The following XKR4 variants were observed in gnomAD, a reference collection of about 807,000 sequenced individuals.
The protein encoded by XKR4 is XK related 4.
In XKR4, 12 loss-of-function variants were observed where a neutral mutation model predicts 53.9. That is an observed-to-expected ratio of 0.22 (90% CI 0.14 to 0.36). XKR4 has a LOEUF of 0.36. Ranked by LOEUF, XKR4 falls within the 10% of genes least tolerant of loss-of-function variation. The pLI is 1.00. For synonymous variants in XKR4, 354 were observed against 362.4 expected, an observed-to-expected ratio of 0.98 and a Z score of 0.26; for missense variants, 799 against 859.5, an observed-to-expected ratio of 0.93 and a Z score of 0.88.
At chr8:55,217,898 G>A (rs558458707) in intron 1 of XKR4, among the ~76,000 whole-genome samples, 136 of 152,212 alleles carry the variant, frequency 8.9e-4, no homozygotes, top group African/African-American at 3.0e-3. Flanking sequence ...GAAGAGCAAA[G>A]GTAAACATAT....
intron 1 of XKR4, among the ~76,000 whole-genome samples, chr8:55,316,035 A>G (rs980150711): frequency 1.4e-4 from 22 of 152,312 alleles, no homozygotes; most frequent in South Asian, 6.2e-4. Context: ...ACAATCACCT[A>G]CACCGTAAAA....
At chr8:55,388,451 A>AT (rs1161774501) in intron 2 of XKR4, among the ~76,000 whole-genome samples, 1 of 150,860 alleles carries the variant, frequency 6.6e-6, no homozygotes, top group East Asian at 1.9e-4. Context: ...GCAGAAATTT[A>AT]TTTTTCACAG....
At chr8:55,188,745 G>GT (rs1024057324) in intron 1 of XKR4, among the ~76,000 whole-genome samples, 6 of 152,152 alleles carry the variant, frequency 3.9e-5, no homozygotes, top group African/African-American at 1.2e-4. Context: ...AAGATGCTTA[G>GT]TAATTGTGTG....
chr8:55,451,719 C>T, intron 2 of XKR4: 1 of 1,272,778 alleles, frequency 7.9e-7, no homozygotes, highest in Non-Finnish European at 1.1e-6. Flanking sequence ...TGCGGTTGAC[C>T]AGAGAAATGC....
At chr8:55,113,453 A>T (rs1385027888) in intron 1 of XKR4, among the ~76,000 whole-genome samples, 1 of 152,208 alleles carries the variant, frequency 6.6e-6, no homozygotes, top group Non-Finnish European at 1.5e-5. Context: ...ATCACAGCTA[A>T]GCTTAAAGCA....
rs537116951 is a variant in XKR4 at position 55,461,460 on chromosome 8, A to G, written c.1007-61821A>G. On this transcript the variant is annotated intron_variant, in intron 2 of 2. Transcript: ENST00000327381. Reference sequence around the variant, plus strand: ...AACAAACAGAAAGGACATCCACACCAAAAACCCAACTGTACATCACTATCA... The same window carrying G: ...AACAAACAGAAAGGACATCCACACCGAAAACCCAACTGTACATCACTATCA... Among the ~76,000 whole-genome samples, 351 of 152,350 alleles carry G rather than the reference A, an allele frequency of 2.3e-3. 1 individual carries two copies. Among genetic ancestry groups the G allele is most frequent in the Non-Finnish European group, 3.8e-3 (259 of 68,036 alleles).
At chr8:55,299,399 T>A (rs1017160126) in intron 1 of XKR4, among the ~76,000 whole-genome samples, 1 of 152,122 alleles carries the variant, frequency 6.6e-6, no homozygotes, top group African/African-American at 2.4e-5. Context: ...AAGCCAACAG[T>A]GAGACCAGGC....
chr8:55,384,465 T>C (rs921219743), intron 2 of XKR4, among the ~76,000 whole-genome samples: 12 of 152,182 alleles, frequency 7.9e-5, no homozygotes, highest in African/African-American at 2.9e-4. Flanking sequence ...AATAGTAGCC[T>C]ACTAACTTAC....
At chr8:55,321,944 A>T (rs1803222548) in intron 1 of XKR4, among the ~76,000 whole-genome samples, 1 of 152,168 alleles carries the variant, frequency 6.6e-6, no homozygotes. Flanking sequence ...AGCCGAGATC[A>T]TGCCACTACA....
At chr8:55,121,085 G>A (rs1189181294) in intron 1 of XKR4, among the ~76,000 whole-genome samples, 1 of 152,164 alleles carries the variant, frequency 6.6e-6, no homozygotes, top group East Asian at 1.9e-4. Flanking sequence ...CTGTTGTCTG[G>A]ATGTACTACA....
Position 55,540,225 on chromosome 8 carries a change from A to C in XKR4, c.*15998A>C, listed in dbSNP as rs899532818. ...AACATCACATATGTGATGCTTTGTA[A>C]ATGTATTAATTGTGGTCAATTTTCA... On this transcript the variant is annotated 3_prime_UTR_variant, in exon 3 of 3. Coordinates refer to ENST00000327381, the MANE Select transcript of XKR4 (RefSeq NM_052898.2). The C allele has an allele frequency of 2.6e-5, 4 of 152,242 alleles. No homozygotes were observed. The highest frequency in any genetic ancestry group is 6.5e-5 in the Admixed American group (1 of 15,276). 9.4% of individuals were successfully genotyped at this position (152,242 alleles called of 1,614,324 possible). A position where few individuals can be genotyped will look rare whatever the true frequency, so the allele number is the denominator to read the frequency against.
intron 2 of XKR4, among the ~76,000 whole-genome samples, chr8:55,401,738 A>G (rs1205862370): frequency 6.6e-6 from 1 of 152,244 alleles, no homozygotes; most frequent in Non-Finnish European, 1.5e-5. Flanking sequence ...TTTTGTGATC[A>G]GGATCCTCTT....
intron 2 of XKR4, among the ~76,000 whole-genome samples, chr8:55,472,139 T>C (rs1399589501): frequency 6.6e-6 from 1 of 152,140 alleles, no homozygotes; most frequent in East Asian, 1.9e-4. Flanking sequence ...CTGTTCAGTG[T>C]CAGCCTGGAA....
chr8:55,190,468 C>T (rs555897946), intron 1 of XKR4, among the ~76,000 whole-genome samples: 65 of 152,250 alleles, frequency 4.3e-4, no homozygotes, highest in African/African-American at 1.4e-3. Context: ...AAAAAATTTC[C>T]CTCACTAGAC....
In XKR4 at chr8:55,527,539, T is replaced by G. The variant is rs963528544; in HGVS notation, c.*3312T>G. ...GTGTATCTTAACCATAGTGACACTT[T>G]AAGTGTTTGTGTGAAAGAAAAGGAA... On this transcript the variant is annotated 3_prime_UTR_variant, in exon 3 of 3. Coordinates refer to ENST00000327381, the MANE Select transcript of XKR4 (RefSeq NM_052898.2). The G allele has an allele frequency of 6.6e-6, 1 of 152,182 alleles. No homozygotes were observed. The highest frequency in any genetic ancestry group is 1.5e-5 in the Non-Finnish European group (1 of 67,976). 9.4% of individuals were successfully genotyped at this position (152,182 alleles called of 1,614,324 possible).
At chr8:55,460,854 T>A (rs971738595) in intron 2 of XKR4, among the ~76,000 whole-genome samples, 6 of 152,070 alleles carry the variant, frequency 3.9e-5, no homozygotes, top group African/African-American at 1.4e-4. Context: ...GGCTTGGAGG[T>A]TCCTACGCCC....
chr8:55,317,012 G>A (rs1163245765), intron 1 of XKR4, among the ~76,000 whole-genome samples: 1 of 152,024 alleles, frequency 6.6e-6, no homozygotes, highest in South Asian at 2.1e-4. Flanking sequence ...ATTTTCAGTG[G>A]CTCAAAAAAT....
intron 2 of XKR4, among the ~76,000 whole-genome samples, chr8:55,496,299 G>C (rs1348654807): frequency 6.6e-6 from 1 of 152,136 alleles, no homozygotes; most frequent in East Asian, 1.9e-4. Flanking sequence ...CACCCTGGCT[G>C]CCAATTCCTG....
At chr8:55,118,262 AAG>A (rs1270094646) in intron 1 of XKR4, among the ~76,000 whole-genome samples, 4 of 152,222 alleles carry the variant, frequency 2.6e-5, no homozygotes, top group African/African-American at 9.6e-5. Context: ...CGTAGTACTA[AAG>A]AATGCTAAGT....
Sources: gnomAD v4.1 joint callset for allele counts (sites outside exome capture counted in the v4.1 genomes callset) on GRCh38, gnomAD v4.1.1 for gene constraint, MANE v1.5 for transcripts, NCBI Gene and HGNC (gene_info 2026-07-23, HGNC 2026-07-21) for gene names.